DEF8: variants seen among roughly 807,000 people sequenced by gnomAD.
The protein encoded by DEF8 is DEF-8.
A neutral mutation model predicts 59.1 loss-of-function variants in DEF8; 38 were observed. The ratio of observed to expected loss-of-function variants is 0.64; its 90% CI spans 0.50 to 0.84. DEF8 has a LOEUF of 0.84. DEF8 is among the 40% of genes least tolerant of loss of function. DEF8 has a pLI of 0.00. For synonymous variants in DEF8, 265 were observed against 250.1 expected, an observed-to-expected ratio of 1.06 and a Z score of -0.56; for missense variants, 557 against 615.2, an observed-to-expected ratio of 0.91 and a Z score of 1.00.
intron 12 of DEF8, 37 bp downstream of exon 12, chr16:89,964,612 G>A (rs770231266): frequency 2.7e-6 from 4 of 1,489,744 alleles, no homozygotes; most frequent in Non-Finnish European, 2.7e-6. Flanking sequence ...GGGGGCTGGG[G>A]CTCTGCGCTG....
intron 5 of DEF8, 40 bp downstream of exon 5, chr16:89,957,700 C>G: frequency 1.3e-6 from 2 of 1,510,000 alleles, no homozygotes; most frequent in South Asian, 1.3e-5. Flanking sequence ...AGCCTGGGGC[C>G]GAGGCCAGAA....
intron 2 of DEF8, among the ~76,000 whole-genome samples, chr16:89,950,956 G>T (rs918208071): frequency 6.6e-6 from 1 of 152,154 alleles, no homozygotes; most frequent in East Asian, 1.9e-4. Flanking sequence ...ACTCCAGCTC[G>T]GGTGACAGAG....
intron 2 of DEF8, 64 bp downstream of exon 2, chr16:89,949,577 G>A: frequency 6.2e-7 from 1 of 1,613,336 alleles, no homozygotes; most frequent in Non-Finnish European, 8.5e-7. Flanking sequence ...TCTCGGGGTG[G>A]CAGCTGCAGT....
At chr16:89,958,961 A>G (rs557585325) in intron 5 of DEF8, 53 bp from the exon 6 acceptor site, 1 of 1,594,344 alleles carries the variant, frequency 6.3e-7, no homozygotes, top group East Asian at 2.2e-5. Flanking sequence ...GCGAAGGGAA[A>G]GGAACTTCAG....
chr16:89,950,590 A>G lies in DEF8; in HGVS notation c.-11+1077A>G, dbSNP rs965682128. 5.9e-5 allele frequency among the ~76,000 whole-genome samples: 9 copies of G among 152,100 alleles called. No individual in the cohort carries two copies. In the East Asian group the frequency reaches 1.7e-3, roughly 29 times the overall value. ...TTTTTAGTACAGACGGGGTTTCACCATGTTGGTCAGGCTGGTTTGAACTCT... is the reference window on the plus strand; with the variant it reads ...TTTTTAGTACAGACGGGGTTTCACCGTGTTGGTCAGGCTGGTTTGAACTCT... On this transcript the variant is annotated intron_variant, in intron 2 of 12. Transcript: ENST00000563594.
chr16:89,959,534 G>A (rs777555145), intron 6 of DEF8, among the ~76,000 whole-genome samples: 2 of 152,184 alleles, frequency 1.3e-5, no homozygotes, highest in Non-Finnish European at 2.9e-5. Context: ...TCACTCAATC[G>A]CCCAGGCTGG....
intron 10 of DEF8, chr16:89,963,930 G>A (rs1422004213): frequency 4.9e-6 from 3 of 615,408 alleles, no homozygotes; most frequent in South Asian, 3.4e-5. Flanking sequence ...ATGCGGTGTG[G>A]CTGGGAGGGG....
Position 89,954,163 on chromosome 16 carries a change from C to A in DEF8, c.-10-80C>A. The stretch of plus-strand genomic sequence containing the variant: ...AAGAGGCCAGCCTCACCCCAGACAC[C>A]CCAGTGTGGTTGGGGAAAGGGGGTG... On this transcript the variant is annotated intron_variant, in intron 2 of 12. Coordinates refer to ENST00000563594, the MANE Select transcript of DEF8 (RefSeq NM_001242818.2). The surrounding 1 kb of genome is among the most constrained non-coding windows in gnomAD (Gnocchi z 4.3). 1 of 1,520,508 alleles carries A rather than the reference C, an allele frequency of 6.6e-7. No homozygotes were observed. Among genetic ancestry groups the A allele is most frequent in the Non-Finnish European group, 9.0e-7 (1 of 1,114,466 alleles). 94.2% of individuals were successfully genotyped at this position (1,520,508 alleles called of 1,614,324 possible). A position where few individuals can be genotyped will look rare whatever the true frequency, so the allele number is the denominator to read the frequency against.
intron 2 of DEF8, 59 bp downstream of exon 2, chr16:89,949,572 G>C: frequency 6.2e-7 from 1 of 1,613,368 alleles, no homozygotes; most frequent in Non-Finnish European, 8.5e-7. Context: ...CAGGTTCTCG[G>C]GGTGGCAGCT....
chr16:89,952,924 A>T (rs2032453255), intron 2 of DEF8, among the ~76,000 whole-genome samples: 1 of 152,192 alleles, frequency 6.6e-6, no homozygotes, highest in Non-Finnish European at 1.5e-5. Flanking sequence ...TCCTTATCCC[A>T]CTGCCAGTGA....
At chr16:89,965,187 A>G (rs1355924931) in intron 12 of DEF8, among the ~76,000 whole-genome samples, 1 of 152,174 alleles carries the variant, frequency 6.6e-6, no homozygotes, top group South Asian at 2.1e-4. Context: ...AAAATATTTT[A>G]ATTTCATTCT....
intron 8 of DEF8, 69 bp downstream of exon 8, chr16:89,961,933 G>T: frequency 6.2e-7 from 1 of 1,601,658 alleles, no homozygotes; most frequent in Non-Finnish European, 8.5e-7. Context: ...GTGTGGAGCC[G>T]GTGTACCCCT....
At chr16:89,964,395 C>G (rs2034416310) in intron 11 of DEF8, 71 bp from the exon 12 acceptor site, 8 of 1,548,868 alleles carry the variant, frequency 5.2e-6, no homozygotes, top group African/African-American at 1.4e-5. Flanking sequence ...CCAGTGTGTC[C>G]CTGGCCTCAG....
rs751282137 is a variant in DEF8, at chr16:89,964,431, G to A, written c.1144-35G>A. ...AGTGCCCAGAGGAGCTGGCACTGAC[G>A]TGCCCGTGCCCCAACCCCACACTGT... On this transcript the variant is annotated intron_variant, in intron 11 of 12. Transcript: ENST00000563594. 2.2e-5 allele frequency: 34 copies of A among 1,559,914 alleles called. 1 individual carries two copies. In the South Asian group the frequency reaches 2.2e-4, roughly 10 times the overall value.
intron 7 of DEF8, 111 bp downstream of exon 7, chr16:89,961,206 A>G (rs531764909): frequency 8.5e-5 from 118 of 1,384,506 alleles, no homozygotes; most frequent in Non-Finnish European, 1.1e-4. Flanking sequence ...GCCCTGGGGC[A>G]GTGCCTGCTT....
chr16:89,963,448 G>C lies in DEF8; in HGVS notation c.1002+5G>C, dbSNP rs778244738. 1.2e-6 allele frequency: 2 copies of C among 1,612,686 alleles called. No individual in the cohort carries two copies. The highest frequency in any genetic ancestry group is 3.3e-5 in the Admixed American group (2 of 59,912). On this transcript the variant is annotated splice_donor_5th_base_variant and intron_variant, in intron 10 of 12. Coordinates refer to ENST00000563594, the MANE Select transcript of DEF8 (RefSeq NM_001242818.2). Reference sequence around the variant, plus strand: ...GAGGCTCGTCTGCTGCTGCAGGTCAGACTGCCAGCAGGACTGGCCCCCGAT... The same window carrying C: ...GAGGCTCGTCTGCTGCTGCAGGTCACACTGCCAGCAGGACTGGCCCCCGAT...
chr16:89,949,703 G>T, intron 2 of DEF8, 190 bp downstream of exon 2: 1 of 1,427,498 alleles, frequency 7.0e-7, no homozygotes, highest in Non-Finnish European at 9.5e-7. Context: ...AACCCCGCCG[G>T]CTTTCTTCGG....
intron 2 of DEF8, among the ~76,000 whole-genome samples, chr16:89,949,803 C>T (rs2031646086): frequency 6.6e-6 from 1 of 152,228 alleles, no homozygotes; most frequent in Admixed American, 6.5e-5. Flanking sequence ...CTCTTGCTTT[C>T]ACTCTTCCAC....
chr16:89,959,652 G>A (rs750772161), intron 6 of DEF8, among the ~76,000 whole-genome samples: 20 of 152,250 alleles, frequency 1.3e-4, no homozygotes, highest in Non-Finnish European at 2.5e-4. Flanking sequence ...CCGCCACCAC[G>A]CCCGGCTAAT....
Sources: gnomAD v4.1 joint callset for allele counts (sites outside exome capture counted in the v4.1 genomes callset) on GRCh38, gnomAD v4.1.1 for gene constraint, Gnocchi (gnomAD v3.1) non-coding constraint, MANE v1.5 for transcripts, NCBI Gene and HGNC (gene_info 2026-07-23, HGNC 2026-07-21) for gene names.